Variants in SMIM13 observed in about 807,000 individuals in gnomAD.
SMIM13 encodes UPF0766 protein C6orf228.
Under a neutral mutation model 5.9 loss-of-function variants are expected in SMIM13, and 3 were observed. That is an observed-to-expected ratio of 0.51 (90% CI 0.23 to 1.31). SMIM13 has a LOEUF of 1.31. SMIM13 is among the 40% of genes most tolerant of loss of function. The pLI, the probability that SMIM13 is intolerant of heterozygous loss-of-function variation, is 0.18. For missense variants in SMIM13, 85 were observed against 109.9 expected (o/e 0.77, Z 1.01); for synonymous variants, 55 against 46.0 (o/e 1.19, Z -0.79).
At chr6:11,129,078 CG>C (rs138712581) in intron 1 of SMIM13, among the ~76,000 whole-genome samples, 22,371 of 148,984 alleles carry the variant, frequency 0.15, 1,815 homozygotes, top group Non-Finnish European at 0.18. Flanking sequence ...CTACCGGGAG[CG>C]GGGGGGGGAT....
At position 11,136,102 on chromosome 6, in the gene SMIM13, T is replaced by TTGTATAGTATACAAAG. The variant is rs1308870769; in HGVS notation, c.*1500_*1501insTGTATAGTATACAAAG. The TTGTATAGTATACAAAG allele has an allele frequency of 2.0e-5, 3 of 152,316 alleles. No individual in the cohort carries two copies. The East Asian group carries it at 5.8e-4, about 29-fold the overall frequency. The allele number at this position is 152,316 out of a possible 1,614,324, so 9.4% of individuals were successfully genotyped here. On this transcript the variant is annotated 3_prime_UTR_variant, in exon 2 of 2. Coordinates refer to ENST00000416247, the MANE Select transcript of SMIM13 (RefSeq NM_001135575.2). ...TCTTCTACTTTAGGAAGAGTGGGAT[T>TTGTATAGTATACAAAG]AGTTACTCCCTTTGTATAGGAGGAC...
chr6:11,123,125 A>G (rs1413140781), intron 1 of SMIM13, among the ~76,000 whole-genome samples: 3 of 152,168 alleles, frequency 2.0e-5, no homozygotes, highest in East Asian at 3.8e-4. Flanking sequence ...TGGGGCTGAC[A>G]CTTGAATTCA....
chr6:11,104,378 AC>A, intron 1 of SMIM13: 3 of 1,551,718 alleles, frequency 1.9e-6, no homozygotes, highest in Non-Finnish European at 1.7e-6. Flanking sequence ...CAGTCCAGTT[AC>A]TGGGGAGGCA....
At chr6:11,129,081 G>T (rs890824312) in intron 1 of SMIM13, among the ~76,000 whole-genome samples, 2 of 151,130 alleles carry the variant, frequency 1.3e-5, no homozygotes, top group South Asian at 2.1e-4. Flanking sequence ...CCGGGAGCGG[G>T]GGGGGGATGA....
At chr6:11,108,560 C>G (rs916099810) in intron 1 of SMIM13, among the ~76,000 whole-genome samples, 1 of 152,182 alleles carries the variant, frequency 6.6e-6, no homozygotes, top group African/African-American at 2.4e-5. Context: ...TGGCTCCCCA[C>G]AGAAGTAGCA....
At chr6:11,123,590 C>T (rs1477640005) in intron 1 of SMIM13, among the ~76,000 whole-genome samples, 1 of 152,156 alleles carries the variant, frequency 6.6e-6, no homozygotes, top group East Asian at 1.9e-4. Context: ...TTTAGTTAAA[C>T]TGAATAACAA....
chr6:11,102,664 A>G (rs953457873), intron 1 of SMIM13: 2 of 152,196 alleles, frequency 1.3e-5, no homozygotes, highest in Non-Finnish European at 2.9e-5. Flanking sequence ...TAGAGGTTAG[A>G]TGGTGGTTTC....
intron 1 of SMIM13, among the ~76,000 whole-genome samples, chr6:11,121,332 T>C (rs1249848421): frequency 2.0e-5 from 3 of 152,214 alleles, no homozygotes; most frequent in African/African-American, 7.2e-5. Context: ...GTTTCTGATA[T>C]GTGCACTTTG....
chr6:11,111,036 A>T (rs151240479), intron 1 of SMIM13, among the ~76,000 whole-genome samples: 372 of 152,344 alleles, frequency 2.4e-3, no homozygotes, highest in Middle Eastern at 0.01. Context: ...ATTAGTGTCT[A>T]TCCCGGCAGT....
chr6:11,104,524 C>G, intron 1 of SMIM13: 3 of 1,570,722 alleles, frequency 1.9e-6, no homozygotes, highest in Non-Finnish European at 2.6e-6. Flanking sequence ...TAGCTGGTGG[C>G]TATAGTCATG....
intron 1 of SMIM13, among the ~76,000 whole-genome samples, chr6:11,096,143 C>A (rs753973476): frequency 3.9e-5 from 6 of 152,158 alleles, no homozygotes; most frequent in Non-Finnish European, 7.3e-5. Flanking sequence ...AGTCCCCAAC[C>A]TTTTTGGTAC....
At chr6:11,133,954 A>T (rs965920885) in intron 1 of SMIM13, among the ~76,000 whole-genome samples, 10 of 151,982 alleles carry the variant, frequency 6.6e-5, no homozygotes, top group African/African-American at 2.2e-4. Flanking sequence ...AGTAGTTTTC[A>T]TCATAGTGCA....
intron 1 of SMIM13, among the ~76,000 whole-genome samples, chr6:11,124,547 G>A (rs1758351775): frequency 1.3e-5 from 2 of 152,030 alleles, no homozygotes; most frequent in South Asian, 4.1e-4. Context: ...TGGATCATAT[G>A]GTGGTTTTAT....
chr6:11,126,507 T>C (rs973032068), intron 1 of SMIM13, among the ~76,000 whole-genome samples: 1 of 152,224 alleles, frequency 6.6e-6, no homozygotes, highest in Non-Finnish European at 1.5e-5. Flanking sequence ...TTCAATCTTT[T>C]TGTTAAATTT....
At chr6:11,126,030 C>T (rs1758372501) in intron 1 of SMIM13, among the ~76,000 whole-genome samples, 1 of 152,084 alleles carries the variant, frequency 6.6e-6, no homozygotes, top group African/African-American at 2.4e-5. Flanking sequence ...TTTGTCTCCT[C>T]TGACTGCATA....
At chr6:11,099,987 T>G (rs545457872) in intron 1 of SMIM13, among the ~76,000 whole-genome samples, 20 of 152,320 alleles carry the variant, frequency 1.3e-4, no homozygotes, top group African/African-American at 4.8e-4. Flanking sequence ...TTCTTCAATT[T>G]TTTGAAGTTA....
chr6:11,119,237 C>T (rs747560565), intron 1 of SMIM13, among the ~76,000 whole-genome samples: 11 of 152,198 alleles, frequency 7.2e-5, no homozygotes, highest in African/African-American at 1.9e-4. Flanking sequence ...CAGACACATG[C>T]GCGTGCACTC....
Position 11,137,386 on chromosome 6 carries a change from A to G in SMIM13, c.*2784A>G, listed in dbSNP as rs1758529141. The G allele has an allele frequency of 6.7e-6, 1 of 150,240 alleles. No homozygotes were observed. The highest frequency in any genetic ancestry group is 1.9e-4 in the East Asian group (1 of 5,148). The allele number at this position is 150,240 out of a possible 1,614,324, so 9.3% of individuals were successfully genotyped here. ...GTGAACGCAGAATTATTTATGTGGTATAGTGTTTGTTTTCCTGTTTTAGTG... is the reference window on the plus strand; with the variant it reads ...GTGAACGCAGAATTATTTATGTGGTGTAGTGTTTGTTTTCCTGTTTTAGTG... On this transcript the variant is annotated 3_prime_UTR_variant, in exon 2 of 2. Coordinates refer to ENST00000416247, the MANE Select transcript of SMIM13 (RefSeq NM_001135575.2).
At chr6:11,094,836 TTTAC>T (rs1382854617) in intron 1 of SMIM13, among the ~76,000 whole-genome samples, 1 of 152,146 alleles carries the variant, frequency 6.6e-6, no homozygotes, top group African/African-American at 2.4e-5. Context: ...CGTGAAATTG[TTTAC>T]TTAGAGTTCA....
Sources: allele counts gnomAD v4.1 joint callset (sites outside exome capture counted in the v4.1 genomes callset), GRCh38; gene constraint gnomAD v4.1.1; transcripts MANE v1.5; gene names NCBI Gene and HGNC (gene_info 2026-07-23, HGNC 2026-07-21).